Variants in RAI14 observed in about 807,000 individuals in gnomAD.
The protein encoded by RAI14 is retinoic acid induced 14.
RAI14 carries 45 observed loss-of-function variants against 115.4 expected under a neutral mutation model. The observed-to-expected ratio is 0.39, with a 90% CI of 0.31 to 0.50. The LOEUF is 0.50. Among genes scored for constraint, RAI14 ranks in the 20% least tolerant of loss-of-function variants. RAI14 has a pLI of 0.85. For synonymous variants in RAI14, 371 were observed against 415.4 expected (o/e 0.89, Z 1.30); for missense variants, 939 against 1,131.2 (o/e 0.83, Z 2.44).
At chr5:34,760,429 GT>G (rs1451329576) in intron 3 of RAI14, among the ~76,000 whole-genome samples, 7 of 152,106 alleles carry the variant, frequency 4.6e-5, no homozygotes, top group African/African-American at 1.4e-4. Context: ...TATATTTTTT[GT>G]TCTGAGGTGT....
chr5:34,787,893 ATTTTTTTTTTTTTTTTTTTTTTTTTTT>A (rs70973012), intron 3 of RAI14, among the ~76,000 whole-genome samples: 3 of 25,090 alleles, frequency 1.2e-4, no homozygotes, highest in African/African-American at 3.5e-4. Flanking sequence ...GATACTACTG[ATTTTTTTTTTTTTTTTTTTTTTTTTTT>A]TTTTTTTTTT....
intron 2 of RAI14, among the ~76,000 whole-genome samples, chr5:34,713,986 T>A (rs2149973341): frequency 6.6e-6 from 1 of 152,006 alleles, no homozygotes; most frequent in South Asian, 2.1e-4. Flanking sequence ...GTATTTTTAG[T>A]AGAGACAGGG....
At chr5:34,794,042 C>T (rs1753225857) in intron 3 of RAI14, among the ~76,000 whole-genome samples, 2 of 152,128 alleles carry the variant, frequency 1.3e-5, no homozygotes, top group Non-Finnish European at 2.9e-5. Flanking sequence ...TAAAATGAAG[C>T]TATTCCAACA....
chr5:34,718,911 C>T (rs556601864), intron 2 of RAI14, among the ~76,000 whole-genome samples: 1 of 152,222 alleles, frequency 6.6e-6, no homozygotes, highest in African/African-American at 2.4e-5. Flanking sequence ...ACCTCCAGGA[C>T]AGATTCAAGA....
intron 3 of RAI14, among the ~76,000 whole-genome samples, chr5:34,764,667 AATTAT>A (rs1749125779): frequency 1.3e-5 from 2 of 152,246 alleles, no homozygotes; most frequent in South Asian, 4.2e-4. Context: ...GCTTAAAGTA[AATTAT>A]ATTAAAGTAA....
intron 3 of RAI14, among the ~76,000 whole-genome samples, chr5:34,774,764 A>G (rs1580212585): frequency 1.3e-5 from 2 of 152,114 alleles, no homozygotes; most frequent in East Asian, 3.9e-4. Context: ...TAGAAAAAAA[A>G]AAAACCTAAA....
chr5:34,787,247 G>A (rs1226594928), intron 3 of RAI14, among the ~76,000 whole-genome samples: 1 of 152,156 alleles, frequency 6.6e-6, no homozygotes, highest in Non-Finnish European at 1.5e-5. Context: ...CAGCAATTCT[G>A]CTCCTCAGTA....
chr5:34,666,207 C>T (rs1427267840), intron 1 of RAI14, among the ~76,000 whole-genome samples: 1 of 151,820 alleles, frequency 6.6e-6, no homozygotes, highest in African/African-American at 2.4e-5. Context: ...CAGGAGATGT[C>T]CTGCGCCCCA....
chr5:34,676,933 T>C (rs1200365392), intron 1 of RAI14, among the ~76,000 whole-genome samples: 1 of 152,228 alleles, frequency 6.6e-6, no homozygotes, highest in South Asian at 2.1e-4. Flanking sequence ...TGTTATGTCT[T>C]TCCCCCCCTA....
chr5:34,734,878 C>T (rs1744668955), intron 2 of RAI14, among the ~76,000 whole-genome samples: 1 of 152,086 alleles, frequency 6.6e-6, no homozygotes, highest in Admixed American at 6.6e-5. Context: ...CCAGGCTGGT[C>T]TCGAACTCCT....
chr5:34,683,217 T>C (rs375999567), intron 1 of RAI14, among the ~76,000 whole-genome samples: 16 of 152,320 alleles, frequency 1.1e-4, no homozygotes, highest in East Asian at 5.8e-4. Flanking sequence ...GAGTTACCAT[T>C]GTGTGGATTT....
At chr5:34,807,213 T>C (rs1262057388) in intron 5 of RAI14, among the ~76,000 whole-genome samples, 2 of 152,094 alleles carry the variant, frequency 1.3e-5, no homozygotes, top group African/African-American at 2.4e-5. Context: ...GGTTTTCTGT[T>C]TGGCTAGAGG....
intron 2 of RAI14, among the ~76,000 whole-genome samples, chr5:34,697,381 A>G (rs1327204658): frequency 6.6e-6 from 1 of 150,932 alleles, no homozygotes; most frequent in Non-Finnish European, 1.5e-5. Context: ...GGTTGTGGTG[A>G]CCCAAGATCG....
At chr5:34,788,056 A>G (rs1239157580) in intron 3 of RAI14, among the ~76,000 whole-genome samples, 1 of 151,670 alleles carries the variant, frequency 6.6e-6, no homozygotes, top group Non-Finnish European at 1.5e-5. Context: ...AGTTGGGACT[A>G]CAAGCATGTG....
intron 2 of RAI14, among the ~76,000 whole-genome samples, chr5:34,729,304 G>A (rs1295262264): frequency 6.6e-6 from 1 of 152,130 alleles, no homozygotes; most frequent in Non-Finnish European, 1.5e-5. Context: ...AGCTGTGATT[G>A]CACCACTGCC....
chr5:34,715,448 T>G (rs1741877416), intron 2 of RAI14, among the ~76,000 whole-genome samples: 1 of 152,112 alleles, frequency 6.6e-6, no homozygotes, highest in African/African-American at 2.4e-5. Context: ...TGCAGGTAAT[T>G]TCAACAGTTT....
At chr5:34,812,050 A>G (rs1225736204) in intron 9 of RAI14, 105 bp downstream of exon 9, 3 of 1,316,270 alleles carry the variant, frequency 2.3e-6, no homozygotes, top group African/African-American at 3.0e-5. Flanking sequence ...ATTCTTTTAA[A>G]CATATTCTTG....
At position 34,795,856 on chromosome 5, in the gene RAI14, CG is replaced by C. The variant is rs549966089; in HGVS notation, c.168-77del. 36 of 833,876 alleles carry C rather than the reference CG, an allele frequency of 4.3e-5. No individual in the cohort carries two copies. In the South Asian group the frequency reaches 4.9e-4, roughly 11 times the overall value. The allele number at this position is 833,876 out of a possible 1,614,324, so 51.7% of individuals were successfully genotyped here. ...GGAAGAGAAAGTGTACATGAAATGG[CG>C]GGGGGCGGGGGGGAAACTCTGTTGG... is the stretch of plus-strand genomic sequence containing the variant. On this transcript the variant is annotated intron_variant, in intron 3 of 17. Coordinates refer to ENST00000265109, the MANE Select transcript of RAI14 (RefSeq NM_015577.3).
chr5:34,782,780 A>G (rs1751824649), intron 3 of RAI14, among the ~76,000 whole-genome samples: 1 of 152,148 alleles, frequency 6.6e-6, no homozygotes, highest in Non-Finnish European at 1.5e-5. Flanking sequence ...TTTTGTTCAG[A>G]CCAGCTGAAC....
Sources: allele counts gnomAD v4.1 joint callset (sites outside exome capture counted in the v4.1 genomes callset), GRCh38; gene constraint gnomAD v4.1.1; transcripts MANE v1.5; gene names NCBI Gene and HGNC (gene_info 2026-07-23, HGNC 2026-07-21).